The following SETX variants were observed in gnomAD, a reference collection of about 807,000 sequenced individuals.
The protein encoded by SETX is senataxin.
Under a neutral mutation model 227.2 loss-of-function variants are expected in SETX, and 90 were observed. That is an observed-to-expected ratio of 0.40 (90% CI 0.33 to 0.47). SETX has a LOEUF of 0.47. Among genes scored for constraint, SETX ranks in the 20% least tolerant of loss-of-function variants. The pLI, the probability that SETX is intolerant of heterozygous loss-of-function variation, is 0.91. For missense variants in SETX, 3,052 were observed against 3,181.5 expected (o/e 0.96, Z 0.98); for synonymous variants, 1,210 against 1,113.2 (o/e 1.09, Z -1.73).
At chr9:132,338,910 G>A (rs750946036) in intron 5 of SETX, among the ~76,000 whole-genome samples, 23 of 151,934 alleles carry the variant, frequency 1.5e-4, no homozygotes, top group Non-Finnish European at 3.2e-4. Context: ...GGTGTGCAAC[G>A]TTATGCCAAG....
intron 7 of SETX, 73 bp downstream of exon 7, chr9:132,334,535 C>A: frequency 1.3e-6 from 2 of 1,508,088 alleles, no homozygotes; most frequent in Non-Finnish European, 1.8e-6. Context: ...CCAATTCCTG[C>A]AGTGACACTA....
At chr9:132,298,725 CAG>C (rs1844819733) in intron 12 of SETX, among the ~76,000 whole-genome samples, 1 of 152,200 alleles carries the variant, frequency 6.6e-6, no homozygotes, top group South Asian at 2.1e-4. Context: ...GATCGTAAGA[CAG>C]AGATGTGCCA....
At chr9:132,319,870 T>C (rs2131389412) in intron 10 of SETX, among the ~76,000 whole-genome samples, 1 of 152,278 alleles carries the variant, frequency 6.6e-6, no homozygotes, top group East Asian at 1.9e-4. Flanking sequence ...TAAGTTAGTG[T>C]CTAAGGGTAC....
chr9:132,297,087 G>A (rs1367277893), intron 13 of SETX, 33 bp from the exon 14 acceptor site: 1 of 1,556,048 alleles, frequency 6.4e-7, no homozygotes, highest in Admixed American at 1.8e-5. Flanking sequence ...AGAATGAGTT[G>A]CTGTTTCTGT....
chr9:132,283,459 T>C, intron 18 of SETX, 46 bp from the exon 19 acceptor site: 2 of 1,609,456 alleles, frequency 1.2e-6, no homozygotes, highest in Admixed American at 1.7e-5. Context: ...ACATCAATCC[T>C]TGACTATGAC....
In SETX at chr9:132,329,981, A is replaced by G. The variant is rs780964798; in HGVS notation, c.1617T>C (p.Ile539=). 6.2e-7 allele frequency: 1 copy of G among 1,614,162 alleles called. No homozygotes were observed. The highest frequency in any genetic ancestry group is 1.1e-5 in the South Asian group (1 of 91,086). The change falls in exon 10 of 26, where the codon ATT becomes ATC. Residue 539 remains isoleucine (I), a synonymous_variant. Transcript: ENST00000224140. Reference sequence around the variant, plus strand: ...GATAACCTTCTTTAAGGAGACTTCTAATCAGCTGCACATAAGCAAGTTGTA... The same window carrying G: ...GATAACCTTCTTTAAGGAGACTTCTGATCAGCTGCACATAAGCAAGTTGTA... ...NSVQLAYVQL[I]RSLLKEGYQL...
chr9:132,346,541 C>T, intron 3 of SETX, 70 bp from the exon 4 acceptor site: 2 of 1,102,864 alleles, frequency 1.8e-6, no homozygotes, highest in Non-Finnish European at 1.3e-6. Flanking sequence ...ATGTGACGAC[C>T]TAGAAAGCCT....
Position 132,271,799 on chromosome 9 carries a change from T to C in SETX, c.7110A>G (p.Glu2370=). ...DKEFDRKGPA[E]VDTVDAFQGR... ...CCTGGAATGCATCCACAGTGTCTAC[T>C]TCTGCTGGTCTATTTACAAAAGAGA... Residue 2370 remains glutamate, a synonymous_variant, in exon 24 of 26, where the codon GAA becomes GAG. Coordinates refer to ENST00000224140, the MANE Select transcript of SETX (RefSeq NM_015046.7). The C allele has an allele frequency of 6.2e-7, 1 of 1,613,328 alleles. No individual in the cohort carries two copies. Among genetic ancestry groups the C allele is most frequent in the Non-Finnish European group, 8.5e-7 (1 of 1,179,334 alleles).
chr9:132,326,317 T>C lies in SETX; in HGVS notation c.5274+7A>G, dbSNP rs1450409556. 1.9e-6 allele frequency: 3 copies of C among 1,569,128 alleles called. No individual in the cohort carries two copies. The highest frequency in any genetic ancestry group is 2.6e-6 in the Non-Finnish European group (3 of 1,141,842). On this transcript the variant is annotated splice_region_variant and intron_variant, in intron 10 of 25. Transcript: ENST00000224140. ...TGGAGAGGCATACAAATGAAACACA[T>C]ACTTACTGTTTCAAAAGTATTCAAT...
chr9:132,349,432 G>C lies in SETX; in HGVS notation c.-4C>G. ...TACACCAACAACATGTGCTCATTCT[G>C]TACCTACAGCCAGAAAAGATGACAT... On this transcript the variant is annotated 5_prime_UTR_variant, in exon 3 of 26. Transcript: ENST00000224140. 1.2e-6 allele frequency: 2 copies of C among 1,614,098 alleles called. No homozygotes were observed. The highest frequency in any genetic ancestry group is 1.7e-6 in the Non-Finnish European group (2 of 1,180,018).
In SETX at chr9:132,328,044, T is replaced by C; in HGVS notation, c.3554A>G (p.Gln1185Arg). ...AAGATCTCTCTTATTAGTATCAGACTGGCCCTCATTTCTGACAGAAGATGA... is the reference window on the plus strand; with the variant it reads ...AAGATCTCTCTTATTAGTATCAGACCGGCCCTCATTTCTGACAGAAGATGA... ...RPSSSVRNEG[Q>R]SDTNKRDLVG... is the part of the protein sequence containing the mutation. The change falls in exon 10 of 26, where the codon CAG (glutamine) becomes CGG (arginine). Residue 1185 changes from glutamine to arginine, a missense_variant. Coordinates refer to ENST00000224140, the MANE Select transcript of SETX (RefSeq NM_015046.7). The C allele has an allele frequency of 6.2e-7, 1 of 1,614,190 alleles. No individual in the cohort carries two copies. The highest frequency in any genetic ancestry group is 1.1e-5 in the South Asian group (1 of 91,072).
chr9:132,292,743 C>T (rs1844416505), intron 15 of SETX, among the ~76,000 whole-genome samples: 1 of 151,676 alleles, frequency 6.6e-6, no homozygotes, highest in African/African-American at 2.4e-5. Context: ...CATTCTCCTG[C>T]CTCAGCCTCC....
chr9:132,330,904 T>C, intron 9 of SETX, 148 bp downstream of exon 9: 2 of 688,734 alleles, frequency 2.9e-6, no homozygotes, highest in South Asian at 1.6e-5. Context: ...ACACAATACA[T>C]CTGCTGTTCA....
rs192260519 is a variant in SETX at position 132,279,915 on chromosome 9, C to T, written c.6654+1552G>A. On this transcript the variant is annotated intron_variant, in intron 20 of 25. Coordinates refer to ENST00000224140, the MANE Select transcript of SETX (RefSeq NM_015046.7). Reference sequence around the variant, plus strand: ...ATGATTTTGCCACCTTTAAACAAAACCAAACCCACGTACATATACACATAA... The same window carrying T: ...ATGATTTTGCCACCTTTAAACAAAATCAAACCCACGTACATATACACATAA... Among the ~76,000 whole-genome samples, 5 of 152,060 alleles carry T rather than the reference C, an allele frequency of 3.3e-5. No homozygotes were observed. In the East Asian group the frequency reaches 9.6e-4, roughly 29 times the overall value.
Position 132,331,437 on chromosome 9 carries a change from C to G in SETX, c.850G>C (p.Asp284His), listed in dbSNP as rs764426210. Residue 284 changes from aspartate to histidine, a missense_variant, in exon 8 of 26, where the codon GAT becomes CAT. Physicochemically the swap from Asp to His is moderately conservative, Grantham distance 81 (BLOSUM62 -1). Transcript: ENST00000224140. The stretch of plus-strand genomic sequence containing the variant: ...CAGTGTAACGCTGGCCAGAAAGGAT[C>G]CACACTATCATCTGAAATACAATGG... ...MEREADDDSV[D>H]PFWPALHCFM... The G allele has an allele frequency of 2.5e-6, 4 of 1,613,802 alleles. No individual in the cohort carries two copies. The highest frequency in any genetic ancestry group is 2.5e-6 in the Non-Finnish European group (3 of 1,179,960).
intron 20 of SETX, among the ~76,000 whole-genome samples, chr9:132,279,719 T>A (rs1474396359): frequency 6.6e-6 from 1 of 152,184 alleles, no homozygotes; most frequent in Non-Finnish European, 1.5e-5. Context: ...AAAACCTAAT[T>A]TTTAATCTTT....
intron 14 of SETX, among the ~76,000 whole-genome samples, chr9:132,296,560 CA>C (rs1165033976): frequency 4.3e-4 from 55 of 126,960 alleles, no homozygotes; most frequent in South Asian, 8.2e-4. Flanking sequence ...GACACTGTCT[CA>C]AAAAAAAAAA....
chr9:132,327,482 A>G lies in SETX; in HGVS notation c.4116T>C (p.Asp1372=). The change falls in exon 10 of 26, where the codon GAT becomes GAC. Residue 1372 remains aspartate (D), a synonymous_variant. Transcript: ENST00000224140. The stretch of plus-strand genomic sequence containing the variant: ...CTGTATGTGACCCTGCTCTTTTAAC[A>G]TCTGTACTTTCACAATCAGAAAGTC... The part of the protein sequence containing the change: ...RRRLSDCEST[D]VKRAGSHTAQ... 1 of 1,614,122 alleles carries G rather than the reference A, an allele frequency of 6.2e-7. No individual in the cohort carries two copies. The highest frequency in any genetic ancestry group is 1.1e-5 in the South Asian group (1 of 91,090).
At chr9:132,325,973 G>A (rs1339049396) in intron 10 of SETX, among the ~76,000 whole-genome samples, 1 of 150,004 alleles carries the variant, frequency 6.7e-6, no homozygotes, top group Non-Finnish European at 1.5e-5. Flanking sequence ...TGTATTGCCA[G>A]TATCTAAAAC....
Sources: gnomAD v4.1 joint callset for allele counts (sites outside exome capture counted in the v4.1 genomes callset) on GRCh38, gnomAD v4.1.1 for gene constraint, MANE v1.5 for transcripts, NCBI Gene and HGNC (gene_info 2026-07-23, HGNC 2026-07-21) for gene names.